The following RREB1 variants were observed in gnomAD, a reference collection of about 807,000 sequenced individuals.
RREB1 encodes ras-responsive element-binding protein 1.
In RREB1, 27 loss-of-function variants were observed where a neutral mutation model predicts 117.8. That is an observed-to-expected ratio of 0.23 (90% CI 0.17 to 0.32). RREB1 has a LOEUF of 0.32. Among genes scored for constraint, RREB1 ranks in the 10% least tolerant of loss-of-function variants. The probability of loss-of-function intolerance (pLI) is 1.00; values close to 1 mark genes in which losing one functional copy is unlikely to be tolerated. For missense variants in RREB1, 2,577 were observed against 2,378.2 expected, an observed-to-expected ratio of 1.08 and a Z score of -1.74; for synonymous variants, 1,298 against 1,026.7, an observed-to-expected ratio of 1.26 and a Z score of -5.05.
chr6:7,225,303 A>G (rs1251779100), intron 8 of RREB1, among the ~76,000 whole-genome samples: 3 of 152,172 alleles, frequency 2.0e-5, no homozygotes, highest in Non-Finnish European at 4.4e-5. Flanking sequence ...GATCTTGGAA[A>G]CATACTGTGT....
At chr6:7,211,026 T>G in intron 7 of RREB1, 78 bp downstream of exon 7, 1 of 1,406,572 alleles carries the variant, frequency 7.1e-7, no homozygotes, top group South Asian at 1.3e-5. Flanking sequence ...ATTTTCTCAG[T>G]GTGGAGACTT....
chr6:7,131,106 T>C (rs1762140555), intron 1 of RREB1, among the ~76,000 whole-genome samples: 1 of 151,526 alleles, frequency 6.6e-6, no homozygotes, highest in African/African-American at 2.4e-5. Context: ...GCCCGGCTAA[T>C]TTTTTGTATT....
At chr6:7,113,167 G>T (rs1480509872) in intron 1 of RREB1, among the ~76,000 whole-genome samples, 1 of 152,160 alleles carries the variant, frequency 6.6e-6, no homozygotes, top group East Asian at 1.9e-4. Context: ...GACTGCTCCT[G>T]CAGGGATTCA....
intron 6 of RREB1, among the ~76,000 whole-genome samples, chr6:7,192,818 G>A (rs1554122988): frequency 2.0e-5 from 3 of 151,916 alleles, no homozygotes; most frequent in South Asian, 2.1e-4. Context: ...ATTATTATCC[G>A]TTTTCTGCTT....
In RREB1 at chr6:7,208,538, G is replaced by A. The variant is rs556907451; in HGVS notation, c.426-2266G>A. On this transcript the variant is annotated intron_variant, in intron 6 of 12. Coordinates refer to ENST00000379938, the MANE Select transcript of RREB1 (RefSeq NM_001003699.4). Reference sequence around the variant, plus strand: ...GGGGATTTCACCCTGAAATGGAGCGGTGCTTGTGCTTTTGCACCTGGGGCT... The same window carrying A: ...GGGGATTTCACCCTGAAATGGAGCGATGCTTGTGCTTTTGCACCTGGGGCT... 6.6e-4 allele frequency among the ~76,000 whole-genome samples: 100 copies of A among 152,360 alleles called. 1 individual carries two copies. The highest frequency in any genetic ancestry group is 2.3e-3 in the African/African-American group (96 of 41,586).
chr6:7,172,713 T>A lies in RREB1; in HGVS notation c.-284-3942T>A, dbSNP rs9505060. ...GTGTGGGGGGGTGGGGGTGACTTTC[T>A]TGGGTTGCCGCCCTATCCAAGGCAT... On this transcript the variant is annotated intron_variant, in intron 1 of 12. Transcript: ENST00000379938. Among the ~76,000 whole-genome samples the A allele has an allele frequency of 4.2e-4, 63 of 150,738 alleles. No individual in the cohort carries two copies. The East Asian group carries it at 7.5e-3, about 18-fold the overall frequency.
At chr6:7,125,229 C>T (rs1761856169) in intron 1 of RREB1, among the ~76,000 whole-genome samples, 1 of 152,172 alleles carries the variant, frequency 6.6e-6, no homozygotes. Flanking sequence ...GGGAGGTCAA[C>T]AAGACACTAA....
At chr6:7,117,496 C>T (rs897576270) in intron 1 of RREB1, among the ~76,000 whole-genome samples, 12 of 144,618 alleles carry the variant, frequency 8.3e-5, no homozygotes, top group Non-Finnish European at 1.2e-4. Flanking sequence ...CTGCAACCTC[C>T]GCCTCCCAGG....
Position 7,229,409 on chromosome 6 carries a change from T to A in RREB1, c.1310T>A (p.Leu437Gln). Residue 437 changes from leucine (L) to glutamine (Q), a missense_variant, in exon 10 of 13, where the codon CTG becomes CAG. Physicochemically the swap from Leu to Gln is moderately radical, Grantham distance 113. Coordinates refer to ENST00000379938, the MANE Select transcript of RREB1 (RefSeq NM_001003699.4). This position sits in a 1 kb window ranked among gnomAD's most constrained non-coding sequence, Gnocchi z 4.5. ...GCGACCAAGGACAGCATAAAGCACCTGTCCCTGCAGCCCTTCCAGAAGGGC... is the reference window on the plus strand; with the variant it reads ...GCGACCAAGGACAGCATAAAGCACCAGTCCCTGCAGCCCTTCCAGAAGGGC... ...LPATKDSIKH[L>Q]SLQPFQKGFI... 6.2e-7 allele frequency: 1 copy of A among 1,614,168 alleles called. No individual in the cohort carries two copies. The highest frequency in any genetic ancestry group is 2.2e-5 in the East Asian group (1 of 44,884).
intron 6 of RREB1, among the ~76,000 whole-genome samples, chr6:7,209,572 CTTTTTTT>C (rs397961662): frequency 2.9e-4 from 38 of 129,336 alleles, no homozygotes; most frequent in Admixed American, 7.7e-4. Flanking sequence ...TATTTCTTTC[CTTTTTTT>C]TTTTTTTTTT....
At chr6:7,232,034 T>A (rs1304571843) in intron 10 of RREB1, 127 bp downstream of exon 10, 1 of 975,774 alleles carries the variant, frequency 1.0e-6, no homozygotes, top group Non-Finnish European at 1.5e-6. Flanking sequence ...TCTTCCCCGG[T>A]CTCCGAAGCC....
chr6:7,209,905 C>CAA (rs1284702712), intron 6 of RREB1, among the ~76,000 whole-genome samples: 5 of 152,230 alleles, frequency 3.3e-5, no homozygotes, highest in Non-Finnish European at 7.3e-5. Flanking sequence ...TGGCACAGTT[C>CAA]AACCACGGCT....
intron 6 of RREB1, among the ~76,000 whole-genome samples, chr6:7,192,421 G>A (rs911756460): frequency 1.3e-5 from 2 of 151,982 alleles, no homozygotes; most frequent in Non-Finnish European, 2.9e-5. Context: ...TTGAACTGCC[G>A]ACCTCAAGTA....
At chr6:7,112,535 A>AGG (rs1004692655) in intron 1 of RREB1, among the ~76,000 whole-genome samples, 1 of 152,162 alleles carries the variant, frequency 6.6e-6, no homozygotes, top group African/African-American at 2.4e-5. Context: ...TCAAAGAGCA[A>AGG]GGGTCAGACA....
intron 1 of RREB1, among the ~76,000 whole-genome samples, chr6:7,147,741 C>G (rs536273514): frequency 6.6e-6 from 1 of 152,186 alleles, no homozygotes; most frequent in East Asian, 1.9e-4. Flanking sequence ...ATTCATAATG[C>G]TCTTCATTGT....
rs759044732 is a variant in RREB1, at chr6:7,230,086, C to T, written c.1987C>T (p.Arg663Cys). Reference protein sequence around the residue: ...AFSGVLRAHVRSHLGISPYQC... With the variant: ...AFSGVLRAHVCSHLGISPYQC... ...CTCGGGGGTCTTGCGTGCCCACGTG[C>T]GCTCCCACCTGGGCATCTCGCCATA... Residue 663 changes from arginine to cysteine, a missense_variant, in exon 10 of 13, where the codon CGC becomes TGC. Transcript: ENST00000379938. The T allele has an allele frequency of 8.1e-6, 13 of 1,600,800 alleles. No homozygotes were observed. In the East Asian group the frequency reaches 1.3e-4, roughly 17 times the overall value.
At chr6:7,205,490 C>T (rs1766219967) in intron 6 of RREB1, among the ~76,000 whole-genome samples, 1 of 152,232 alleles carries the variant, frequency 6.6e-6, no homozygotes, top group South Asian at 2.1e-4. Flanking sequence ...AGCTTCATTG[C>T]ATCACATGGT....
chr6:7,121,833 T>A (rs1240657181), intron 1 of RREB1, among the ~76,000 whole-genome samples: 1 of 152,136 alleles, frequency 6.6e-6, no homozygotes, highest in Non-Finnish European at 1.5e-5. Flanking sequence ...ACTGAGTTGG[T>A]ACACACTAGA....
At chr6:7,181,462 T>G in intron 3 of RREB1, 2 of 417,824 alleles carry the variant, frequency 4.8e-6, no homozygotes, top group Non-Finnish European at 8.3e-6. Flanking sequence ...ATGTTTCTCA[T>G]CACTAGTTTT....
Sources: allele counts gnomAD v4.1 joint callset (sites outside exome capture counted in the v4.1 genomes callset), GRCh38; gene constraint gnomAD v4.1.1; non-coding constraint Gnocchi (gnomAD v3.1); transcripts MANE v1.5; gene names NCBI Gene and HGNC (gene_info 2026-07-23, HGNC 2026-07-21).